The following EIF4G3 variants were observed in gnomAD, a reference collection of about 807,000 sequenced individuals.
The protein encoded by EIF4G3 is eIF-4-gamma 3.
In EIF4G3, 34 loss-of-function variants were observed where a neutral mutation model predicts 186.4. The observed-to-expected ratio is 0.18, with a 90% CI of 0.14 to 0.24. The LOEUF (loss-of-function observed/expected upper bound fraction) is 0.24. Among genes scored for constraint, EIF4G3 ranks in the 10% least tolerant of loss-of-function variants. EIF4G3 has a pLI of 1.00. For synonymous variants in EIF4G3, 673 were observed against 679.5 expected, an observed-to-expected ratio of 0.99 and a Z score of 0.15; for missense variants, 1,536 against 1,948.5, an observed-to-expected ratio of 0.79 and a Z score of 3.99.
At chr1:20,997,718 A>T in intron 6 of EIF4G3, 85 bp from the exon 7 acceptor site, 3 of 1,103,282 alleles carry the variant, frequency 2.7e-6, no homozygotes, top group Non-Finnish European at 3.8e-6. Flanking sequence ...TTCACACAAT[A>T]TGCCAAAAGA....
At chr1:20,981,693 TACGCAC>T (rs2078256740) in intron 8 of EIF4G3, among the ~76,000 whole-genome samples, 1 of 137,228 alleles carries the variant, frequency 7.3e-6, no homozygotes, top group African/African-American at 2.7e-5. Context: ...CATACATGTA[TACGCAC>T]ATACTGTATG....
intron 33 of EIF4G3, among the ~76,000 whole-genome samples, chr1:20,824,660 G>A (rs1036592746): frequency 2.0e-5 from 3 of 152,148 alleles, no homozygotes; most frequent in Non-Finnish European, 2.9e-5. Flanking sequence ...GTATAAGACT[G>A]TGTCTACTTC....
intron 33 of EIF4G3, among the ~76,000 whole-genome samples, chr1:20,822,766 C>T (rs1326037083): frequency 6.6e-6 from 1 of 151,740 alleles, no homozygotes; most frequent in Non-Finnish European, 1.5e-5. Flanking sequence ...GGTTATTGAC[C>T]TTTCTTCTTT....
chr1:21,104,260 T>C (rs2096576378), intron 2 of EIF4G3, among the ~76,000 whole-genome samples: 1 of 152,204 alleles, frequency 6.6e-6, no homozygotes, highest in African/African-American at 2.4e-5. Flanking sequence ...TCCTTCTTCA[T>C]TCATCCATCC....
intron 11 of EIF4G3, among the ~76,000 whole-genome samples, chr1:20,970,209 T>G (rs1179042011): frequency 2.6e-5 from 4 of 152,212 alleles, no homozygotes; most frequent in African/African-American, 9.6e-5. Flanking sequence ...GAGTTAGGAA[T>G]AATTTATTCT....
In EIF4G3 at chr1:21,136,052, G is replaced by A. The variant is rs147644709; in HGVS notation, c.-272+40123C>T. Reference sequence around the variant, plus strand: ...CAAAAAATTAGCCGGGCACGGTGGCGGGCGCCTGTAGTCCCAGCTACTCGG... The same window carrying A: ...CAAAAAATTAGCCGGGCACGGTGGCAGGCGCCTGTAGTCCCAGCTACTCGG... On this transcript the variant is annotated intron_variant, in intron 2 of 36. Coordinates refer to ENST00000602326, the MANE Select transcript of EIF4G3 (RefSeq NM_001391906.1). Among the ~76,000 whole-genome samples the A allele has an allele frequency of 6.1e-3, 934 of 152,110 alleles. 2 individuals are homozygous for A. The highest frequency in any genetic ancestry group is 0.02 in the African/African-American group (841 of 41,500).
rs572835325 is a variant in EIF4G3 at position 21,057,398 on chromosome 1, A to G, written c.-195-6404T>C. 3.9e-5 allele frequency among the ~76,000 whole-genome samples: 6 copies of G among 152,334 alleles called. No homozygotes were observed. In the South Asian group the frequency reaches 1.2e-3, roughly 32 times the overall value. Reference sequence around the variant, plus strand: ...TGGTACTGAGTAAAAGATTAAGAAGAATATATAAAGTATGATTCCATTTAT... The same window carrying G: ...TGGTACTGAGTAAAAGATTAAGAAGGATATATAAAGTATGATTCCATTTAT... On this transcript the variant is annotated intron_variant, in intron 3 of 36. Coordinates refer to ENST00000602326, the MANE Select transcript of EIF4G3 (RefSeq NM_001391906.1).
chr1:20,932,913 C>A (rs949132199), intron 14 of EIF4G3, among the ~76,000 whole-genome samples: 2 of 151,884 alleles, frequency 1.3e-5, no homozygotes, highest in African/African-American at 2.4e-5. Context: ...GTAAAAAAAA[C>A]CGTATCAGTG....
chr1:20,832,519 C>T (rs1288761656), intron 30 of EIF4G3, among the ~76,000 whole-genome samples: 2 of 143,626 alleles, frequency 1.4e-5, no homozygotes, highest in African/African-American at 5.1e-5. Context: ...GCCCCTTTGT[C>T]AGATGAGTAG....
intron 14 of EIF4G3, among the ~76,000 whole-genome samples, chr1:20,935,806 T>A (rs1036594699): frequency 6.6e-6 from 1 of 152,168 alleles, no homozygotes; most frequent in Non-Finnish European, 1.5e-5. Flanking sequence ...TAAGACTAGG[T>A]TTTCCTGTAG....
chr1:21,046,882 G>GCA (rs1429972624), intron 4 of EIF4G3, among the ~76,000 whole-genome samples: 4 of 152,102 alleles, frequency 2.6e-5, no homozygotes, highest in East Asian at 1.9e-4. Flanking sequence ...AAGGATACAT[G>GCA]CACACACACA....
At position 21,150,803 on chromosome 1, in the gene EIF4G3, C is replaced by T. The variant is rs558139034; in HGVS notation, c.-272+25372G>A. Among the ~76,000 whole-genome samples, 35 of 152,188 alleles carry T rather than the reference C, an allele frequency of 2.3e-4. No individual in the cohort carries two copies. In the East Asian group the frequency reaches 6.4e-3, roughly 28 times the overall value. ...ATCAGCCTGGCTAACATGGTGAAAC[C>T]CCGTTTCTACTAAAAATACAAAATT... On this transcript the variant is annotated intron_variant, in intron 2 of 36. Coordinates refer to ENST00000602326, the MANE Select transcript of EIF4G3 (RefSeq NM_001391906.1).
At position 20,945,436 on chromosome 1, in the gene EIF4G3, T is replaced by C. The variant is rs182164840; in HGVS notation, c.824-3106A>G. Among the ~76,000 whole-genome samples the C allele has an allele frequency of 4.2e-3, 647 of 152,316 alleles. 3 individuals carry two copies. Among genetic ancestry groups the C allele is most frequent in the African/African-American group, 0.014 (583 of 41,572 alleles). ...AATATGTTTTTAAAAGAGTATTTAATGATATGGAAAGTTGTTTGTAATAAA... is the reference window on the plus strand; with the variant it reads ...AATATGTTTTTAAAAGAGTATTTAACGATATGGAAAGTTGTTTGTAATAAA... On this transcript the variant is annotated intron_variant, in intron 13 of 36. Transcript: ENST00000602326.
intron 30 of EIF4G3, among the ~76,000 whole-genome samples, chr1:20,837,233 A>G (rs2067014103): frequency 6.6e-6 from 1 of 151,746 alleles, no homozygotes; most frequent in African/African-American, 2.4e-5. Context: ...TTTTTTGAGA[A>G]GGAGTCTCTG....
chr1:21,017,928 T>C (rs2089659981), intron 4 of EIF4G3, among the ~76,000 whole-genome samples: 1 of 151,890 alleles, frequency 6.6e-6, no homozygotes, highest in African/African-American at 2.4e-5. Context: ...AGATACACAG[T>C]GTTGACAATT....
At chr1:20,971,024 T>C (rs1333118906) in intron 11 of EIF4G3, among the ~76,000 whole-genome samples, 1 of 152,220 alleles carries the variant, frequency 6.6e-6, no homozygotes, top group Admixed American at 6.5e-5. Flanking sequence ...TAAGATGTGC[T>C]GGTAGGTGAA....
intron 2 of EIF4G3, among the ~76,000 whole-genome samples, chr1:21,151,783 A>T (rs2097555915): frequency 6.6e-6 from 1 of 152,122 alleles, no homozygotes. Flanking sequence ...AATCTCTTAG[A>T]ATACTAACAA....
At chr1:20,811,024 A>G (rs2059131322) in intron 35 of EIF4G3, 140 bp from the exon 36 acceptor site, 2 of 746,054 alleles carry the variant, frequency 2.7e-6, no homozygotes, top group East Asian at 5.7e-5. Context: ...ATCTAAGCTC[A>G]CTGCAACCTC....
At chr1:21,116,607 G>A (rs1408464823) in intron 2 of EIF4G3, among the ~76,000 whole-genome samples, 1 of 152,032 alleles carries the variant, frequency 6.6e-6, no homozygotes, top group Admixed American at 6.6e-5. Context: ...GGAGGCTGAG[G>A]GGGGTGCGGA....
Sources: gnomAD v4.1 joint callset for allele counts (sites outside exome capture counted in the v4.1 genomes callset) on GRCh38, gnomAD v4.1.1 for gene constraint, MANE v1.5 for transcripts, NCBI Gene and HGNC (gene_info 2026-07-23, HGNC 2026-07-21) for gene names.